Variants in RGS5 observed in about 807,000 individuals in gnomAD.
The protein encoded by RGS5 is regulator of G protein signaling 5, also known as regulator of G-protein signalling 5.
In RGS5, 20 loss-of-function variants were observed where a neutral mutation model predicts 18.9. The ratio of observed to expected loss-of-function variants is 1.06; its 90% CI spans 0.74 to 1.54. The LOEUF is 1.54. RGS5 is among the 40% of genes most tolerant of loss of function. The pLI is 0.00. For missense variants in RGS5, 201 were observed against 211.8 expected (o/e 0.95, Z 0.32); for synonymous variants, 57 against 76.2 (o/e 0.75, Z 1.31).
intron 2 of RGS5, among the ~76,000 whole-genome samples, chr1:163,254,553 T>G (rs1648217062): frequency 6.6e-6 from 1 of 152,186 alleles, no homozygotes; most frequent in Non-Finnish European, 1.5e-5. Context: ...ATTAGCCGTT[T>G]GTCAGTTGAG....
intron 1 of RGS5, among the ~76,000 whole-genome samples, chr1:163,310,412 A>G (rs1649822836): frequency 6.6e-6 from 1 of 151,786 alleles, no homozygotes; most frequent in South Asian, 2.1e-4. Flanking sequence ...ATCTCTACTA[A>G]AAAATACAAA....
chr1:163,312,674 G>A (rs1557939687), intron 1 of RGS5, among the ~76,000 whole-genome samples: 1 of 152,202 alleles, frequency 6.6e-6, no homozygotes, highest in Non-Finnish European at 1.5e-5. Flanking sequence ...GGTAGATTGT[G>A]ATGATGTGAA....
At chr1:163,163,747 A>G (rs936188802) in intron 2 of RGS5, among the ~76,000 whole-genome samples, 26 of 152,210 alleles carry the variant, frequency 1.7e-4, no homozygotes, top group African/African-American at 6.0e-4. Context: ...GTCCCTATTC[A>G]TTGTTGACAG....
intron 1 of RGS5, among the ~76,000 whole-genome samples, chr1:163,176,863 T>C (rs929335793): frequency 3.9e-5 from 6 of 152,198 alleles, no homozygotes; most frequent in African/African-American, 1.4e-4. Flanking sequence ...TAAAAAATTT[T>C]AGCTGGTTGT....
chr1:163,243,500 A>G (rs1293422984), intron 2 of RGS5, among the ~76,000 whole-genome samples: 1 of 151,856 alleles, frequency 6.6e-6, no homozygotes, highest in Non-Finnish European at 1.5e-5. Flanking sequence ...ACAAAAAATT[A>G]GCCGGGCTTG....
upstream of RGS5, among the ~76,000 whole-genome samples, chr1:163,206,389 G>GA (rs1212121416): frequency 6.6e-6 from 1 of 151,386 alleles, no homozygotes; most frequent in Non-Finnish European, 1.5e-5. Context: ...TTTTTTTAAT[G>GA]AAAAAAAGAG....
At chr1:163,307,854 A>G (rs1216799129) in intron 1 of RGS5, among the ~76,000 whole-genome samples, 2 of 152,204 alleles carry the variant, frequency 1.3e-5, no homozygotes, top group Non-Finnish European at 2.9e-5. Context: ...CTTATTAGTA[A>G]CCATATTTTA....
chr1:163,301,305 A>T lies in RGS5; in HGVS notation c.-281+4928T>A, dbSNP rs576704645. ...AGGAAAAAATCAGAATTCTAGAGGA[A>T]AAAAATCAGAAACGGGCAATTATCC... On this transcript the variant is annotated intron_variant, in intron 2 of 5. Coordinates refer to the RGS5 transcript ENST00000618415. Among the ~76,000 whole-genome samples the T allele has an allele frequency of 9.0e-4, 136 of 151,638 alleles. 4 individuals carry two copies. The highest frequency in any genetic ancestry group is 7.8e-3 in the Admixed American group (119 of 15,198).
At chr1:163,297,151 A>C (rs1445617279) in intron 2 of RGS5, among the ~76,000 whole-genome samples, 1 of 152,180 alleles carries the variant, frequency 6.6e-6, no homozygotes, top group Non-Finnish European at 1.5e-5. Flanking sequence ...TTATTAGAGA[A>C]GGTAGGAAAA....
chr1:163,170,015 C>A (rs1307588487), intron 1 of RGS5, among the ~76,000 whole-genome samples: 2 of 152,150 alleles, frequency 1.3e-5, no homozygotes, highest in African/African-American at 4.8e-5. Context: ...TATTTTCACG[C>A]TCAGTTTTAA....
At chr1:163,263,035 G>C (rs11809953) in intron 2 of RGS5, among the ~76,000 whole-genome samples, 76,303 of 151,962 alleles carry the variant, frequency 0.5, 19,395 homozygotes, top group African/African-American at 0.53. Flanking sequence ...CCTACCCACA[G>C]CCAAACCCAC....
At chr1:163,228,258 C>T (rs1010394114) in intron 2 of RGS5, among the ~76,000 whole-genome samples, 7 of 152,238 alleles carry the variant, frequency 4.6e-5, no homozygotes, top group African/African-American at 1.7e-4. Flanking sequence ...TCTGCCTGTA[C>T]ATCCAGGCAT....
At chr1:163,230,564 T>C (rs190927904) in intron 2 of RGS5, among the ~76,000 whole-genome samples, 93 of 152,320 alleles carry the variant, frequency 6.1e-4, no homozygotes, top group Non-Finnish European at 8.1e-4. Context: ...TACCTGACTA[T>C]TAATGAAGGC....
intron 1 of RGS5, among the ~76,000 whole-genome samples, chr1:163,309,096 T>G (rs1649784997): frequency 6.6e-6 from 1 of 152,136 alleles, no homozygotes; most frequent in Non-Finnish European, 1.5e-5. Context: ...ATGCCTGTAA[T>G]CCCAGCACTT....
chr1:163,233,943 T>TC (rs1647550269), intron 2 of RGS5, among the ~76,000 whole-genome samples: 1 of 150,750 alleles, frequency 6.6e-6, no homozygotes, highest in Admixed American at 6.6e-5. Context: ...TATTTTCACT[T>TC]CTTTTGTGGA....
chr1:163,253,614 C>G (rs1648178519), intron 2 of RGS5, among the ~76,000 whole-genome samples: 1 of 124,076 alleles, frequency 8.1e-6, no homozygotes, highest in African/African-American at 3.5e-5. Context: ...CTGGCCAAGA[C>G]CATTTTTCTT....
At chr1:163,212,905 C>G (rs1200592676) in intron 1 of RGS5, 1 of 152,204 alleles carries the variant, frequency 6.6e-6, no homozygotes, top group Non-Finnish European at 1.5e-5. Flanking sequence ...ATCCATATCA[C>G]TGGCCCTCCT....
At chr1:163,286,859 T>C (rs1282749213) in intron 2 of RGS5, among the ~76,000 whole-genome samples, 2 of 152,206 alleles carry the variant, frequency 1.3e-5, no homozygotes, top group Non-Finnish European at 2.9e-5. Context: ...AATGTTATTC[T>C]ATCCTTTACT....
intron 1 of RGS5, among the ~76,000 whole-genome samples, chr1:163,190,752 G>A (rs1052675582): frequency 1.3e-5 from 2 of 152,176 alleles, no homozygotes; most frequent in African/African-American, 4.8e-5. Flanking sequence ...TGTTTTCCTA[G>A]CAATGACGGA....
Sources: allele counts gnomAD v4.1 joint callset (sites outside exome capture counted in the v4.1 genomes callset), GRCh38; gene constraint gnomAD v4.1.1; transcripts MANE v1.5; gene names NCBI Gene and HGNC (gene_info 2026-07-23, HGNC 2026-07-21).